The following ASTN2 variants were observed in gnomAD, a reference collection of about 807,000 sequenced individuals.
ASTN2 encodes astrotactin 2, also known as astrotactin-2.
ASTN2 carries 54 observed loss-of-function variants against 139.8 expected under a neutral mutation model. The ratio of observed to expected loss-of-function variants is 0.39; its 90% confidence interval spans 0.31 to 0.48. The LOEUF is 0.48. ASTN2 is among the 20% of genes least tolerant of loss of function. ASTN2 has a pLI of 0.95. For missense variants in ASTN2, 1,565 were observed against 1,725.1 expected (o/e 0.91, Z 1.64); for synonymous variants, 756 against 719.5 (o/e 1.05, Z -0.81).
At chr9:116,788,227 T>C (rs1223794064) in intron 13 of ASTN2, among the ~76,000 whole-genome samples, 1 of 152,120 alleles carries the variant, frequency 6.6e-6, no homozygotes, top group African/African-American at 2.4e-5. Flanking sequence ...GTACAATGTT[T>C]CGATTAGACA....
chr9:117,062,672 G>A (rs541785355), intron 5 of ASTN2, among the ~76,000 whole-genome samples: 1 of 152,266 alleles, frequency 6.6e-6, no homozygotes, highest in East Asian at 1.9e-4. Context: ...GATGCCTTCA[G>A]AGCAATGGTA....
intron 5 of ASTN2, among the ~76,000 whole-genome samples, chr9:117,080,582 G>A (rs1337652431): frequency 6.6e-6 from 1 of 151,806 alleles, no homozygotes; most frequent in African/African-American, 2.4e-5. Flanking sequence ...AAAATGAAAT[G>A]AGCTCTCGAA....
At chr9:116,450,933 T>A (rs1848155852) in intron 20 of ASTN2, among the ~76,000 whole-genome samples, 1 of 152,196 alleles carries the variant, frequency 6.6e-6, no homozygotes, top group Non-Finnish European at 1.5e-5. Flanking sequence ...AACAACTCAG[T>A]CTGAGGCATG....
intron 20 of ASTN2, among the ~76,000 whole-genome samples, chr9:116,486,285 A>G (rs1021114683): frequency 6.6e-6 from 1 of 152,250 alleles, no homozygotes; most frequent in African/African-American, 2.4e-5. Flanking sequence ...TACTCAGCAA[A>G]TGTCTAGTGA....
intron 20 of ASTN2, among the ~76,000 whole-genome samples, chr9:116,485,218 T>C (rs1048247664): frequency 2.6e-5 from 4 of 152,172 alleles, no homozygotes; most frequent in African/African-American, 9.7e-5. Flanking sequence ...CTGGGGTCCC[T>C]GTGAGCCAAA....
chr9:116,648,467 C>T (rs1418204468), intron 17 of ASTN2, among the ~76,000 whole-genome samples: 1 of 152,072 alleles, frequency 6.6e-6, no homozygotes, highest in Non-Finnish European at 1.5e-5. Flanking sequence ...GCAATAGCCT[C>T]CTCATGGATC....
At chr9:117,045,507 C>T (rs939888097) in intron 5 of ASTN2, among the ~76,000 whole-genome samples, 3 of 152,056 alleles carry the variant, frequency 2.0e-5, no homozygotes, top group Admixed American at 6.6e-5. Context: ...CTCCCTCTTA[C>T]ACCTCAGCTC....
At chr9:116,751,503 C>T (rs1338526685) in intron 13 of ASTN2, among the ~76,000 whole-genome samples, 1 of 151,950 alleles carries the variant, frequency 6.6e-6, no homozygotes, top group Non-Finnish European at 1.5e-5. Flanking sequence ...AGCATGGCAC[C>T]TGACACATTA....
intron 5 of ASTN2, among the ~76,000 whole-genome samples, chr9:117,067,507 T>C (rs1175262277): frequency 7.7e-6 from 1 of 130,126 alleles, no homozygotes; most frequent in Non-Finnish European, 1.7e-5. Context: ...TTTGGTTCCA[T>C]ATGAACTTTA....
intron 10 of ASTN2, among the ~76,000 whole-genome samples, chr9:116,933,994 T>TTTTTTTTTTTTTTTTTTTTTTTTTG (rs1834992773): frequency 7.0e-6 from 1 of 142,148 alleles, no homozygotes; most frequent in Admixed American, 7.3e-5. Context: ...TTTTTTTTTT[T>TTTTTTTTTTTTTTTTTTTTTTTTTG]TTTTTTTTCT....
chr9:117,281,714 C>T (rs1017404571), intron 2 of ASTN2, among the ~76,000 whole-genome samples: 1 of 152,070 alleles, frequency 6.6e-6, no homozygotes, highest in African/African-American at 2.4e-5. Context: ...AACCTGTCCG[C>T]CCCTCCCCAC....
intron 10 of ASTN2, among the ~76,000 whole-genome samples, chr9:116,950,889 A>G (rs117640823): frequency 2.7e-3 from 409 of 152,314 alleles, no homozygotes; most frequent in Middle Eastern, 0.014. Flanking sequence ...ATTTTATACA[A>G]CATATGGAGG....
chr9:116,961,580 A>G (rs1038117774), intron 10 of ASTN2, among the ~76,000 whole-genome samples: 2 of 152,188 alleles, frequency 1.3e-5, no homozygotes, highest in African/African-American at 4.8e-5. Context: ...ATAATATTCC[A>G]TTAGATAAAC....
intron 10 of ASTN2, among the ~76,000 whole-genome samples, chr9:116,916,937 G>A (rs956707462): frequency 3.9e-5 from 6 of 152,102 alleles, no homozygotes; most frequent in Admixed American, 3.9e-4. Flanking sequence ...TTCTATAAGA[G>A]TTTAAGAAAT....
At chr9:117,277,488 T>C (rs1259974392) in intron 2 of ASTN2, among the ~76,000 whole-genome samples, 1 of 152,216 alleles carries the variant, frequency 6.6e-6, no homozygotes, top group African/African-American at 2.4e-5. Context: ...GAATGTACAT[T>C]GGTACAGCCA....
chr9:116,751,896 C>A (rs1319826704), intron 13 of ASTN2, among the ~76,000 whole-genome samples: 1 of 152,138 alleles, frequency 6.6e-6, no homozygotes, highest in African/African-American at 2.4e-5. Context: ...TGTTCATCTT[C>A]AATATTGTTA....
At chr9:116,949,882 C>G (rs558978796) in intron 10 of ASTN2, among the ~76,000 whole-genome samples, 3 of 152,082 alleles carry the variant, frequency 2.0e-5, no homozygotes, top group East Asian at 1.9e-4. Context: ...TCTCATAATG[C>G]GTTTGTGAGG....
intron 3 of ASTN2, among the ~76,000 whole-genome samples, chr9:117,155,155 A>G (rs1830405057): frequency 1.3e-5 from 2 of 152,036 alleles, no homozygotes; most frequent in South Asian, 2.1e-4. Context: ...AATTGTTTCT[A>G]TCCCATGGTA....
At chr9:117,160,947 A>G (rs1830536888) in intron 3 of ASTN2, among the ~76,000 whole-genome samples, 1 of 152,050 alleles carries the variant, frequency 6.6e-6, no homozygotes, top group Non-Finnish European at 1.5e-5. Flanking sequence ...GTACACACAC[A>G]CACACACGCA....
Sources: gnomAD v4.1 joint callset for allele counts (sites outside exome capture counted in the v4.1 genomes callset) on GRCh38, gnomAD v4.1.1 for gene constraint, MANE v1.5 for transcripts, NCBI Gene and HGNC (gene_info 2026-07-23, HGNC 2026-07-21) for gene names.